AHNAK: variants seen among roughly 807,000 people sequenced by gnomAD.
AHNAK encodes the protein neuroblast differentiation-associated protein AHNAK.
A neutral mutation model predicts 37.8 loss-of-function variants in AHNAK; 23 were observed. The ratio of observed to expected loss-of-function variants is 0.61; its 90% CI spans 0.44 to 0.86. The LOEUF (loss-of-function observed/expected upper bound fraction) is 0.86, where lower values mean the gene tolerates loss of function less well. Ranked by LOEUF, AHNAK falls within the 40% of genes least tolerant of loss-of-function variation. The probability of loss-of-function intolerance (pLI) is 0.00; values close to 1 mark genes in which losing one functional copy is unlikely to be tolerated. For synonymous variants in AHNAK, 2,481 were observed against 2,636.3 expected, an observed-to-expected ratio of 0.94 and a Z score of 1.80; for missense variants, 7,411 against 7,319.4, an observed-to-expected ratio of 1.01 and a Z score of -0.46.
Position 62,534,985 on chromosome 11 carries a change from G to A in AHNAK, c.342+18C>T, listed in dbSNP as rs756964037. 4 of 1,593,434 alleles carry A rather than the reference G, an allele frequency of 2.5e-6. No homozygotes were observed. In the African/African-American group the frequency reaches 4.0e-5, roughly 16 times the overall value. ...GCCGGGGGAGCTCAGGGCACAGATG[G>A]GCCGGCGAGGTACTCACCAGAACCA... On this transcript the variant is annotated intron_variant, in intron 4 of 4. Transcript: ENST00000378024.
At chr11:62,453,111 G>A (rs911634512) in intron 5 of AHNAK, among the ~76,000 whole-genome samples, 1 of 152,100 alleles carries the variant, frequency 6.6e-6, no homozygotes, top group African/African-American at 2.4e-5. Flanking sequence ...TATGTCCCAG[G>A]AGCATCCCAC....
intron 4 of AHNAK, among the ~76,000 whole-genome samples, chr11:62,506,282 G>T (rs1047097628): frequency 9.2e-5 from 14 of 152,012 alleles, no homozygotes; most frequent in African/African-American, 2.9e-4. Context: ...GCTTGAGGAC[G>T]CCCGAGTTCC....
chr11:62,529,022 T>G lies in AHNAK; in HGVS notation c.5395A>C (p.Ile1799Leu). The G allele has an allele frequency of 6.8e-6, 11 of 1,613,834 alleles. No individual in the cohort carries two copies. Among genetic ancestry groups the G allele is most frequent in the Non-Finnish European group, 9.3e-6 (11 of 1,179,970 alleles). The change falls in exon 5 of 5, where the codon ATA becomes CTA. Residue 1799 changes from isoleucine to leucine, a missense_variant. Physicochemically the swap from Ile to Leu is conservative, Grantham distance 5. Transcript: ENST00000378024. The stretch of plus-strand genomic sequence containing the variant: ...TCCAGTTCTGGCACAGAAGCATCTA[T>G]CTCTCCCTTCAGTTTGGGTCCCTTC... ...NLKGPKLKGEIDASVPELEGD... is the reference protein window; with the variant it reads ...NLKGPKLKGELDASVPELEGD...
In AHNAK at chr11:62,534,073, C is replaced by T. The variant is rs751368368; in HGVS notation, c.344G>A (p.Ser115Asn). ...GCGCTGGTACTCCTCATCATCCCCG[C>T]TCTGCAGAAAGACACGCCGGGCAGA... ...FSSCSSEVVLSGDDEEYQRIY... is the reference protein window; with the variant it reads ...FSSCSSEVVLNGDDEEYQRIY... Residue 115 changes from serine to asparagine, a missense_variant and splice_region_variant, in exon 5 of 5, where the codon AGC becomes AAC. Coordinates refer to ENST00000378024, the MANE Select transcript of AHNAK (RefSeq NM_001620.3). 10 of 1,532,022 alleles carry T rather than the reference C, an allele frequency of 6.5e-6. No individual in the cohort carries two copies. Among genetic ancestry groups the T allele is most frequent in the Non-Finnish European group, 8.8e-6 (10 of 1,139,600 alleles). 94.9% of individuals were successfully genotyped at this position (1,532,022 alleles called of 1,614,324 possible).
In AHNAK at chr11:62,523,812, G is replaced by A; in HGVS notation, c.10605C>T (p.Asp3535=). ...AGATCTTGGGAGCTTTGATATTCATGTCAGGCATCTTGAATTTGGGACCTT... is the reference window on the plus strand; with the variant it reads ...AGATCTTGGGAGCTTTGATATTCATATCAGGCATCTTGAATTTGGGACCTT... ...GLKGPKFKMP[D]MNIKAPKISM... is the part of the protein sequence containing the mutation. Residue 3535 remains aspartate, a synonymous_variant, in exon 5 of 5, where the codon GAC becomes GAT. Transcript: ENST00000378024. 6.2e-7 allele frequency: 1 copy of A among 1,614,114 alleles called. No homozygotes were observed. Among genetic ancestry groups the A allele is most frequent in the African/African-American group, 1.3e-5 (1 of 75,004 alleles).
intron 4 of AHNAK, among the ~76,000 whole-genome samples, chr11:62,498,835 T>C (rs1939661817): frequency 6.6e-6 from 1 of 152,128 alleles, no homozygotes; most frequent in African/African-American, 2.4e-5. Flanking sequence ...ATGTTGGCTC[T>C]AAAAATTTCC....
chr11:62,518,434 C>A lies in AHNAK; in HGVS notation c.15983G>T (p.Gly5328Val). 1.9e-6 allele frequency: 3 copies of A among 1,614,106 alleles called. No homozygotes were observed. The highest frequency in any genetic ancestry group is 2.5e-6 in the Non-Finnish European group (3 of 1,180,010). ...SVPSMKVHAP[G>V]LNLSGVGGKM... ...GCCACCGACACCACTGAGGTTGAGC[C>A]CTGGAGCATGCACCTTCATGCTGGG... is the stretch of plus-strand genomic sequence containing the variant. Residue 5328 changes from glycine (G) to valine (V), a missense_variant, in exon 5 of 5, where the codon GGG becomes GTG. By Grantham distance (109) the Gly-to-Val change is moderately radical (BLOSUM62 -3). Transcript: ENST00000378024.
chr11:62,537,629 A>AC (rs1259300367), intron 1 of AHNAK, among the ~76,000 whole-genome samples: 2 of 151,312 alleles, frequency 1.3e-5, no homozygotes, highest in East Asian at 3.9e-4. Context: ...AGAACAGCTT[A>AC]CCCGGGGTAC....
intron 3 of AHNAK, among the ~76,000 whole-genome samples, chr11:62,535,609 T>C (rs1319591730): frequency 1.3e-5 from 2 of 150,824 alleles, no homozygotes; most frequent in Non-Finnish European, 2.9e-5. Flanking sequence ...GATAGCGCCA[T>C]TGCACTCCAG....
In AHNAK at chr11:62,536,069, C is replaced by T. The variant is rs754706247; in HGVS notation, c.30G>A (p.Leu10=). ...CACTACCCTGCCAGTTGGGCAGCAG[C>T]AGCTCCCGGGTTGTCTCCTCCTTCT... The part of the protein sequence containing the change: MEKEETTRE[L]LLPNWQGSGS... Residue 10 remains leucine, a synonymous_variant, in exon 3 of 5, where the codon CTG becomes CTA. Transcript: ENST00000378024. 4 of 1,599,608 alleles carry T rather than the reference C, an allele frequency of 2.5e-6. No homozygotes were observed. The highest frequency in any genetic ancestry group is 3.4e-5 in the Admixed American group (2 of 58,946).
At chr11:62,482,704 T>A (rs1475392201) in intron 5 of AHNAK, among the ~76,000 whole-genome samples, 1 of 152,124 alleles carries the variant, frequency 6.6e-6, no homozygotes, top group African/African-American at 2.4e-5. Flanking sequence ...CCTCATACTC[T>A]TTTCCCCAGA....
intron 3 of AHNAK, 99 bp from the exon 4 acceptor site, chr11:62,535,289 G>C: frequency 9.1e-7 from 1 of 1,104,532 alleles, no homozygotes; most frequent in Non-Finnish European, 1.3e-6. Context: ...TTGAACTCAT[G>C]ACCACCCTGC....
At position 62,522,640 on chromosome 11, in the gene AHNAK, G is replaced by T; in HGVS notation, c.11777C>A (p.Pro3926Gln). 6.2e-7 allele frequency: 1 copy of T among 1,613,236 alleles called. No homozygotes were observed. Among genetic ancestry groups the T allele is most frequent in the East Asian group, 2.2e-5 (1 of 44,816 alleles). The change falls in exon 5 of 5, where the codon CCA becomes CAA. Residue 3926 changes from proline to glutamine, a missense_variant. Pro to Gln is a moderately conservative substitution (Grantham distance 76, BLOSUM62 -1). Coordinates refer to ENST00000378024, the MANE Select transcript of AHNAK (RefSeq NM_001620.3). ...INAPDVDVRG[P>Q]DWHLKMPKIK... ...CTTAGGCATCTTCAGGTGCCAGTCT[G>T]GGCCTCGAACATCCACATCTGGGGC...
At position 62,509,996 on chromosome 11, in the gene AHNAK, GATA is replaced by G. The variant is rs548625903; in HGVS notation, c.343-18168_343-18166del. On this transcript the variant is annotated intron_variant, in intron 4 of 5. Transcript: ENST00000257247. Reference sequence around the variant, plus strand: ...AAATTTAAAGATATACTACATATTAGATAATATGTCAATGTTTTGTTTCCTGAA... The same window carrying G: ...AAATTTAAAGATATACTACATATTAGATATGTCAATGTTTTGTTTCCTGAA... 7.2e-4 allele frequency among the ~76,000 whole-genome samples: 110 copies of G among 152,278 alleles called. 1 individual carries two copies. The Middle Eastern group carries it at 0.01, about 14-fold the overall frequency.
chr11:62,501,599 T>C (rs1427509061), intron 4 of AHNAK, among the ~76,000 whole-genome samples: 1 of 152,170 alleles, frequency 6.6e-6, no homozygotes, highest in Admixed American at 6.5e-5. Flanking sequence ...TGTCAAACCC[T>C]GAGAGAAATA....
Position 62,520,443 on chromosome 11 carries a change from G to C in AHNAK, c.13974C>G (p.Pro4658=), listed in dbSNP as rs759203768. The part of the protein sequence containing the change: ...WHLKMPKVKM[P]KFSMPGFKGE... ...CTTTGAAGCCAGGCATGCTGAACTTGGGCATTTTCACTTTGGGCATTTTTA... is the reference window on the plus strand; with the variant it reads ...CTTTGAAGCCAGGCATGCTGAACTTCGGCATTTTCACTTTGGGCATTTTTA... Residue 4658 remains proline, a synonymous_variant, in exon 5 of 5, where the codon CCC becomes CCG. Transcript: ENST00000378024. 3.2e-5 allele frequency: 51 copies of C among 1,613,890 alleles called. No homozygotes were observed. The Admixed American group carries it at 8.5e-4, about 27-fold the overall frequency.
Position 62,455,319 on chromosome 11 carries a change from G to A in AHNAK, c.443-21428C>T, listed in dbSNP as rs547453823. On this transcript the variant is annotated intron_variant, in intron 5 of 5. Coordinates refer to the AHNAK transcript ENST00000257247. ...CTTAAAGGAATTGGCCCCCTTAAGA[G>A]AGTCTCCTGATCCCATGAAGGCTGG... Among the ~76,000 whole-genome samples, 90 of 152,220 alleles carry A rather than the reference G, an allele frequency of 5.9e-4. 1 individual carries two copies. In the South Asian group the frequency reaches 0.017, roughly 29 times the overall value.
At chr11:62,511,524 G>A (rs891961707), downstream of AHNAK, among the ~76,000 whole-genome samples, 4 of 152,080 alleles carry the variant, frequency 2.6e-5, no homozygotes, top group African/African-American at 9.7e-5. Context: ...CCAAAGTGCT[G>A]GGATTATAGG....
rs748004627 is a variant in AHNAK, at chr11:62,528,054, A to C, written c.6363T>G (p.Asp2121Glu). ...TGGGGCCTTTCAAGTGTAAGTCCAC[A>C]TCAGGCATGGAGATCTTGGGGGCCT... is the stretch of plus-strand genomic sequence containing the variant. ...HFKAPKISMP[D>E]VDLHLKGPKV... Residue 2121 changes from aspartate to glutamate, a missense_variant, in exon 5 of 5, where the codon GAT (aspartate) becomes GAG (glutamate). Physicochemically the swap from Asp to Glu is conservative, Grantham distance 45. Coordinates refer to ENST00000378024, the MANE Select transcript of AHNAK (RefSeq NM_001620.3). 1 of 1,613,778 alleles carries C rather than the reference A, an allele frequency of 6.2e-7. No individual in the cohort carries two copies. Among genetic ancestry groups the C allele is most frequent in the South Asian group, 1.1e-5 (1 of 91,062 alleles).
Sources: gnomAD v4.1 joint callset for allele counts (sites outside exome capture counted in the v4.1 genomes callset) on GRCh38, gnomAD v4.1.1 for gene constraint, MANE v1.5 for transcripts, NCBI Gene and HGNC (gene_info 2026-07-23, HGNC 2026-07-21) for gene names.